The following FGD6 variants were observed in gnomAD, a reference collection of about 807,000 sequenced individuals.
FGD6 encodes FYVE, RhoGEF and PH domain-containing protein 6.
Under a neutral mutation model 149.4 loss-of-function variants are expected in FGD6, and 90 were observed. The observed-to-expected ratio is 0.60, with a 90% confidence interval of 0.51 to 0.72. The LOEUF (loss-of-function observed/expected upper bound fraction) is 0.72, where lower values mean the gene tolerates loss of function less well. Among genes scored for constraint, FGD6 ranks in the 30% least tolerant of loss-of-function variants. The pLI is 0.00. For missense variants in FGD6, 1,437 were observed against 1,684.8 expected, an observed-to-expected ratio of 0.85 and a Z score of 2.57; for synonymous variants, 527 against 584.0, an observed-to-expected ratio of 0.90 and a Z score of 1.41.
At chr12:95,111,112 C>T (rs1267834382) in intron 9 of FGD6, among the ~76,000 whole-genome samples, 1 of 152,020 alleles carries the variant, frequency 6.6e-6, no homozygotes, top group East Asian at 1.9e-4. Context: ...CTACTGAGTA[C>T]CTGGTATTAC....
At chr12:95,158,056 C>T (rs1880525674) in intron 3 of FGD6, among the ~76,000 whole-genome samples, 1 of 151,928 alleles carries the variant, frequency 6.6e-6, no homozygotes, top group Admixed American at 6.6e-5. Flanking sequence ...CCATGTTGGC[C>T]AGCATGGTCT....
intron 3 of FGD6, among the ~76,000 whole-genome samples, chr12:95,157,907 G>A (rs1167249217): frequency 1.3e-5 from 2 of 152,120 alleles, no homozygotes; most frequent in Non-Finnish European, 2.9e-5. Context: ...GAGTGCAGTG[G>A]TGCAATCTCA....
intron 20 of FGD6, among the ~76,000 whole-genome samples, chr12:95,083,040 T>TACACACACAC (rs60971253): frequency 4.4e-4 from 33 of 74,748 alleles, no homozygotes; most frequent in Non-Finnish European, 8.1e-4. Context: ...TACACACACA[T>TACACACACAC]ACACACACAC....
chr12:95,204,176 C>T (rs111509195), intron 2 of FGD6, among the ~76,000 whole-genome samples: 5 of 152,260 alleles, frequency 3.3e-5, no homozygotes, highest in East Asian at 1.9e-4. Context: ...GAACCCGGAG[C>T]GGTGACTAAA....
At chr12:95,101,752 G>A (rs1484364785) in intron 14 of FGD6, among the ~76,000 whole-genome samples, 1 of 137,664 alleles carries the variant, frequency 7.3e-6, no homozygotes, top group Non-Finnish European at 1.5e-5. Context: ...GTGCGATCTC[G>A]GCTCACTGCA....
Position 95,208,917 on chromosome 12 carries a change from A to G in FGD6, c.2367T>C (p.Asn789=). The change falls in exon 2 of 21, where the codon AAT becomes AAC. Residue 789 remains asparagine (N), a synonymous_variant. Transcript: ENST00000343958. ...CATACGGCTCTTCTACCTCATACAC[A>G]TTTGCATCAGCGTCCTCCATGCTGC... The part of the protein sequence containing the change: ...NSSSMEDADA[N]VYEVEEPYEA... 1 of 1,613,926 alleles carries G rather than the reference A, an allele frequency of 6.2e-7. No individual in the cohort carries two copies. The highest frequency in any genetic ancestry group is 1.1e-5 in the South Asian group (1 of 91,080).
At chr12:95,179,700 TAAA>T (rs1881225119) in intron 2 of FGD6, among the ~76,000 whole-genome samples, 1 of 151,994 alleles carries the variant, frequency 6.6e-6, no homozygotes, top group Non-Finnish European at 1.5e-5. Flanking sequence ...AGATTTAACA[TAAA>T]GAAGCAGTCT....
chr12:95,214,307 G>A (rs145151658), intron 1 of FGD6, among the ~76,000 whole-genome samples: 2,595 of 152,196 alleles, frequency 0.017, 35 homozygotes, highest in Non-Finnish European at 0.028. Flanking sequence ...TTTTAATGTA[G>A]AATAATATTT....
chr12:95,104,905 G>C, intron 14 of FGD6, 102 bp downstream of exon 14: 2 of 840,272 alleles, frequency 2.4e-6, no homozygotes, highest in South Asian at 3.5e-5. Context: ...AGAGTGAGAT[G>C]CTGTCTCAAA....
chr12:95,217,129 A>G (rs1342424752), intron 1 of FGD6, 96 bp downstream of exon 1: 3 of 1,565,382 alleles, frequency 1.9e-6, no homozygotes, highest in Non-Finnish European at 2.6e-6. Context: ...CGGGGCACAC[A>G]ACTCGCCCAC....
chr12:95,202,359 C>A (rs1330622137), intron 2 of FGD6, among the ~76,000 whole-genome samples: 1 of 133,166 alleles, frequency 7.5e-6, no homozygotes, highest in East Asian at 2.0e-4. Context: ...TGCACACCAG[C>A]CTGGGCGACA....
At chr12:95,183,959 T>A (rs1336379726) in intron 2 of FGD6, among the ~76,000 whole-genome samples, 2 of 152,156 alleles carry the variant, frequency 1.3e-5, no homozygotes, top group Non-Finnish European at 2.9e-5. Flanking sequence ...CATTGAGAGG[T>A]GTACAAAGTC....
Position 95,113,719 on chromosome 12 carries a change from A to G in FGD6, c.3083-18T>C, listed in dbSNP as rs1250292015. 2 of 1,530,322 alleles carry G rather than the reference A, an allele frequency of 1.3e-6. No homozygotes were observed. Among genetic ancestry groups the G allele is most frequent in the Non-Finnish European group, 8.9e-7 (1 of 1,119,206 alleles). 94.8% of individuals were successfully genotyped at this position (1,530,322 alleles called of 1,614,324 possible). A position where few individuals can be genotyped will look rare whatever the true frequency, so the allele number is the denominator to read the frequency against. ...CAAATAATCTAGAAAAGAAGAAAAA[A>G]AAGTATTTAAGTACAATAAACCAGT... is the stretch of plus-strand genomic sequence containing the variant. On this transcript the variant is annotated intron_variant, in intron 8 of 20. Coordinates refer to ENST00000343958, the MANE Select transcript of FGD6 (RefSeq NM_018351.4).
intron 18 of FGD6, 70 bp from the exon 19 acceptor site, chr12:95,085,978 C>CAAT: frequency 7.0e-7 from 1 of 1,427,222 alleles, no homozygotes; most frequent in Non-Finnish European, 9.5e-7. Context: ...TATTTGCAAC[C>CAAT]AATAGGTGCT....
intron 2 of FGD6, among the ~76,000 whole-genome samples, chr12:95,174,023 T>G (rs1881063810): frequency 6.6e-6 from 1 of 152,154 alleles, no homozygotes; most frequent in South Asian, 2.1e-4. Flanking sequence ...CACCTCTCAC[T>G]GCTAAAGACG....
In FGD6 at chr12:95,091,689, T is replaced by A. The variant is rs199725957; in HGVS notation, c.3850+18A>T. On this transcript the variant is annotated intron_variant, in intron 17 of 20. Transcript: ENST00000343958. ...GGGAATAAAGGAATTTTTGGTTAAA[T>A]CCTTACTTATATATTACCTAATTTC... is the stretch of plus-strand genomic sequence containing the variant. The A allele has an allele frequency of 2.4e-5, 38 of 1,595,080 alleles. No homozygotes were observed. In the African/African-American group the frequency reaches 4.3e-4, roughly 18 times the overall value.
chr12:95,154,344 A>C (rs1006274793), intron 3 of FGD6, among the ~76,000 whole-genome samples: 2 of 152,196 alleles, frequency 1.3e-5, no homozygotes, highest in Non-Finnish European at 2.9e-5. Context: ...TTAACAAAAT[A>C]ATAATAAAGA....
chr12:95,099,995 G>A (rs1223077647), intron 14 of FGD6, among the ~76,000 whole-genome samples: 2 of 150,772 alleles, frequency 1.3e-5, no homozygotes, highest in African/African-American at 4.9e-5. Flanking sequence ...TGTTCCTGCT[G>A]TTCCTTCCAT....
In FGD6 at chr12:95,137,686, TAGAGA is replaced by T. The variant is rs1879711311; in HGVS notation, c.2838-13_2838-9del. Reference sequence around the variant, plus strand: ...ATTCTTTGTTGTTCAGTCCTATGGATAGAGAAGAGATACACAAAAAAATATAAAGA... The same window carrying T: ...ATTCTTTGTTGTTCAGTCCTATGGATAGAGATACACAAAAAAATATAAAGA... On this transcript the variant is annotated splice_polypyrimidine_tract_variant and intron_variant, in intron 6 of 20. Coordinates refer to ENST00000343958, the MANE Select transcript of FGD6 (RefSeq NM_018351.4). 1 of 1,556,422 alleles carries T rather than the reference TAGAGA, an allele frequency of 6.4e-7. No homozygotes were observed. Among genetic ancestry groups the T allele is most frequent in the African/African-American group, 1.4e-5 (1 of 72,576 alleles).
Sources: allele counts gnomAD v4.1 joint callset (sites outside exome capture counted in the v4.1 genomes callset), GRCh38; gene constraint gnomAD v4.1.1; transcripts MANE v1.5; gene names NCBI Gene and HGNC (gene_info 2026-07-23, HGNC 2026-07-21).